ENTREP2: variants seen among roughly 807,000 people sequenced by gnomAD.
ENTREP2 encodes endosomal transmembrane epsin interactor 2.
At chr15:29,495,637 T>A in the ENTREP2 span, among the ~76,000 whole-genome samples, 3 of 152,198 alleles carry the variant, frequency 2.0e-5, no homozygotes, top group Non-Finnish European at 4.4e-5. Flanking sequence ...GATATCCAGT[T>A]TTCCTAACAC....
chr15:29,120,205 C>CA, the ENTREP2 span: 1 of 152,262 alleles, frequency 6.6e-6, no homozygotes, highest in African/African-American at 2.4e-5. Flanking sequence ...CTGGGGTACA[C>CA]AGCCTCTCAG....
At chr15:29,303,054 C>T in the ENTREP2 span, among the ~76,000 whole-genome samples, 4 of 152,190 alleles carry the variant, frequency 2.6e-5, no homozygotes, top group African/African-American at 7.2e-5. Context: ...CGCTTCTACT[C>T]GGAGCCACTT....
At chr15:29,356,294 ATATTTTTTTTTT>A in the ENTREP2 span, among the ~76,000 whole-genome samples, 125 of 48,564 alleles carry the variant, frequency 2.6e-3, no homozygotes, top group African/African-American at 9.8e-3. Flanking sequence ...ATATATATAT[ATATTTTTTTTTT>A]TTTTTTTTTT....
chr15:29,179,636 A>C, the ENTREP2 span, among the ~76,000 whole-genome samples: 1 of 147,764 alleles, frequency 6.8e-6, no homozygotes, highest in Non-Finnish European at 1.5e-5. Context: ...GCTGGAGTGC[A>C]GTGGTGCGAT....
the ENTREP2 span, among the ~76,000 whole-genome samples, chr15:29,417,396 C>G: frequency 6.6e-6 from 1 of 151,990 alleles, no homozygotes; most frequent in African/African-American, 2.4e-5. Flanking sequence ...ATCGCAAGGA[C>G]AAAAAACCAA....
the ENTREP2 span, among the ~76,000 whole-genome samples, chr15:29,248,086 C>A: frequency 6.6e-6 from 1 of 152,190 alleles, no homozygotes; most frequent in Non-Finnish European, 1.5e-5. Flanking sequence ...TTGTAACTTG[C>A]TGCAAATGAT....
chr15:29,140,555 C>T, the ENTREP2 span, among the ~76,000 whole-genome samples: 4 of 152,186 alleles, frequency 2.6e-5, no homozygotes, highest in African/African-American at 4.8e-5. Context: ...CCAAACTCCC[C>T]GCTCTTTGAA....
At chr15:29,136,018 C>T in the ENTREP2 span, among the ~76,000 whole-genome samples, 2 of 152,192 alleles carry the variant, frequency 1.3e-5, no homozygotes, top group African/African-American at 4.8e-5. Context: ...AAAGCTCAGA[C>T]GCACCTGGGC....
the ENTREP2 span, among the ~76,000 whole-genome samples, chr15:29,159,856 GCCCAGCTGGCTTCA>G: frequency 6.6e-6 from 1 of 152,264 alleles, no homozygotes; most frequent in South Asian, 2.1e-4. Context: ...AGACTCAGGA[GCCCAGCTGGCTTCA>G]CCCGGTGGAT....
the ENTREP2 span, among the ~76,000 whole-genome samples, chr15:29,448,776 G>A: frequency 6.6e-6 from 1 of 152,198 alleles, no homozygotes. Context: ...TCAACCAGGT[G>A]AATCAAATTT....
chr15:29,544,184 A>C, the ENTREP2 span, among the ~76,000 whole-genome samples: 1 of 152,232 alleles, frequency 6.6e-6, no homozygotes, highest in Non-Finnish European at 1.5e-5. Context: ...AAGACATAAG[A>C]AGTTTTACTG....
the ENTREP2 span, among the ~76,000 whole-genome samples, chr15:29,187,251 T>G: frequency 6.6e-6 from 1 of 152,088 alleles, no homozygotes; most frequent in Non-Finnish European, 1.5e-5. Context: ...ACACTGTCAC[T>G]GTCTGTTTTT....
At chr15:29,398,343 T>C in the ENTREP2 span, among the ~76,000 whole-genome samples, 1 of 151,874 alleles carries the variant, frequency 6.6e-6, no homozygotes, top group Admixed American at 6.6e-5. Flanking sequence ...TTCTGCATAT[T>C]AATGTGACGA....
At chr15:29,228,901 A>G in the ENTREP2 span, among the ~76,000 whole-genome samples, 1 of 152,194 alleles carries the variant, frequency 6.6e-6, no homozygotes, top group Non-Finnish European at 1.5e-5. Context: ...AAATTGCCAA[A>G]TAACTATATC....
the ENTREP2 span, among the ~76,000 whole-genome samples, chr15:29,175,328 C>T: frequency 9.9e-5 from 15 of 152,196 alleles, no homozygotes; most frequent in Admixed American, 4.6e-4. Flanking sequence ...CTGCCGGTAA[C>T]GCTTAGCACA....
the ENTREP2 span, among the ~76,000 whole-genome samples, chr15:29,391,481 A>G: frequency 6.6e-6 from 1 of 151,912 alleles, no homozygotes; most frequent in African/African-American, 2.4e-5. Flanking sequence ...AAGAGAAAAA[A>G]CTCCTTAGTG....
At chr15:29,247,729 G>C in the ENTREP2 span, among the ~76,000 whole-genome samples, 2 of 120,764 alleles carry the variant, frequency 1.7e-5, no homozygotes, top group East Asian at 5.5e-4. Context: ...TTTGTTTCCG[G>C]TATGTCTGTA....
At chr15:29,445,581 G>A in the ENTREP2 span, among the ~76,000 whole-genome samples, 4 of 152,240 alleles carry the variant, frequency 2.6e-5, no homozygotes, top group South Asian at 4.2e-4. Context: ...GGAGGGTGGC[G>A]CCCAGAGAAA....
At chr15:29,150,580 G>T in the ENTREP2 span, among the ~76,000 whole-genome samples, 1 of 152,186 alleles carries the variant, frequency 6.6e-6, no homozygotes, top group Non-Finnish European at 1.5e-5. Context: ...AACAAGGGCA[G>T]AAGTTCAAGG....
Sources: gnomAD v4.1 joint callset for allele counts (sites outside exome capture counted in the v4.1 genomes callset) on GRCh38, gnomAD v4.1.1 for gene constraint, MANE v1.5 for transcripts, NCBI Gene and HGNC (gene_info 2026-07-23, HGNC 2026-07-21) for gene names.